The following EPHA5 variants were observed in gnomAD, a reference collection of about 807,000 sequenced individuals.
EPHA5 encodes ephrin type-A receptor 5.
A neutral mutation model predicts 105.0 loss-of-function variants in EPHA5; 60 were observed. The ratio of observed to expected loss-of-function variants is 0.57; its 90% CI spans 0.46 to 0.71. The LOEUF (loss-of-function observed/expected upper bound fraction) is 0.71, where lower values mean the gene tolerates loss of function less well. Ranked by LOEUF, EPHA5 falls within the 30% of genes least tolerant of loss-of-function variation. The probability of loss-of-function intolerance (pLI) is 0.00; values close to 1 mark genes in which losing one functional copy is unlikely to be tolerated. For synonymous variants in EPHA5, 513 were observed against 449.1 expected (o/e 1.14, Z -1.80); for missense variants, 1,218 against 1,274.7 (o/e 0.96, Z 0.68).
intron 3 of EPHA5, among the ~76,000 whole-genome samples, chr4:65,586,130 G>A (rs1742100429): frequency 6.6e-6 from 1 of 151,482 alleles, no homozygotes; most frequent in Non-Finnish European, 1.5e-5. Flanking sequence ...TATAAGTAAT[G>A]AGAAAGTATC....
intron 3 of EPHA5, among the ~76,000 whole-genome samples, chr4:65,498,172 G>A (rs539729088): frequency 2.0e-5 from 3 of 151,976 alleles, no homozygotes; most frequent in Non-Finnish European, 4.4e-5. Context: ...AACAAATAGC[G>A]AAATGGAAGA....
At chr4:65,622,797 G>A (rs538360660) in intron 2 of EPHA5, among the ~76,000 whole-genome samples, 3 of 151,890 alleles carry the variant, frequency 2.0e-5, no homozygotes, top group African/African-American at 7.3e-5. Flanking sequence ...GAAAAAAAAA[G>A]AAATAAATCC....
intron 5 of EPHA5, among the ~76,000 whole-genome samples, chr4:65,469,102 A>G (rs970836598): frequency 6.6e-6 from 1 of 152,060 alleles, no homozygotes; most frequent in African/African-American, 2.4e-5. Flanking sequence ...TGTGGTATGC[A>G]TATGTGAAGT....
chr4:65,588,756 C>T (rs923095083), intron 3 of EPHA5, among the ~76,000 whole-genome samples: 1 of 152,114 alleles, frequency 6.6e-6, no homozygotes, highest in African/African-American at 2.4e-5. Context: ...ATACCAACAA[C>T]TCTTAGAAAG....
chr4:65,567,573 C>T (rs1739682307), intron 3 of EPHA5, among the ~76,000 whole-genome samples: 1 of 151,380 alleles, frequency 6.6e-6, no homozygotes. Flanking sequence ...ATAAAACATA[C>T]TGTTATTGAA....
intron 3 of EPHA5, among the ~76,000 whole-genome samples, chr4:65,552,672 C>T (rs998900287): frequency 6.6e-6 from 1 of 152,052 alleles, no homozygotes; most frequent in African/African-American, 2.4e-5. Context: ...TATAGAGTCT[C>T]TTAGTGTCAG....
At chr4:65,445,921 T>C (rs1034116893) in intron 5 of EPHA5, among the ~76,000 whole-genome samples, 5 of 152,240 alleles carry the variant, frequency 3.3e-5, no homozygotes, top group Admixed American at 2.6e-4. Context: ...CATTCTGAAA[T>C]TGAACATTCA....
At chr4:65,440,387 T>G (rs1725892022) in intron 5 of EPHA5, among the ~76,000 whole-genome samples, 1 of 151,928 alleles carries the variant, frequency 6.6e-6, no homozygotes, top group Non-Finnish European at 1.5e-5. Flanking sequence ...GGATACATAT[T>G]AAAGTTAGTA....
intron 12 of EPHA5, among the ~76,000 whole-genome samples, 200 bp downstream of exon 12, chr4:65,352,841 TG>T (rs376815767): frequency 1.7e-4 from 26 of 151,856 alleles, no homozygotes; most frequent in African/African-American, 6.0e-4. Context: ...GCATATAATT[TG>T]GATTTGTGTG....
At chr4:65,572,347 A>G (rs1297633597) in intron 3 of EPHA5, among the ~76,000 whole-genome samples, 3 of 151,204 alleles carry the variant, frequency 2.0e-5, no homozygotes, top group East Asian at 1.9e-4. Flanking sequence ...CAGTGATTTT[A>G]TCCCCTTGAT....
intron 14 of EPHA5, among the ~76,000 whole-genome samples, chr4:65,344,399 G>C (rs1462472165): frequency 6.6e-6 from 1 of 152,182 alleles, no homozygotes; most frequent in Non-Finnish European, 1.5e-5. Flanking sequence ...CCTAGCACCA[G>C]TGTTTGCACT....
chr4:65,409,241 G>C (rs942026427), intron 7 of EPHA5, among the ~76,000 whole-genome samples: 2 of 129,346 alleles, frequency 1.5e-5, no homozygotes, highest in African/African-American at 2.9e-5. Context: ...CCTAATGCTA[G>C]ATGACGAGTT....
intron 8 of EPHA5, among the ~76,000 whole-genome samples, chr4:65,372,077 A>G (rs142034598): frequency 1.1e-3 from 160 of 152,122 alleles, no homozygotes; most frequent in African/African-American, 3.6e-3. Context: ...GTTTAAAGCC[A>G]CATTTCTTCA....
intron 3 of EPHA5, chr4:65,573,410 C>CAA (rs71657188): frequency 0.018 from 11,283 of 644,232 alleles, 130 homozygotes; most frequent in African/African-American, 0.051. Flanking sequence ...GACTCCGTCT[C>CAA]AAAAAAAAAA....
intron 11 of EPHA5, among the ~76,000 whole-genome samples, chr4:65,361,759 A>G (rs565546927): frequency 5.9e-5 from 9 of 151,826 alleles, no homozygotes; most frequent in African/African-American, 2.2e-4. Flanking sequence ...ATGCTTCTGT[A>G]GTGTTTTGTT....
intron 8 of EPHA5, among the ~76,000 whole-genome samples, chr4:65,384,203 C>T (rs1407789023): frequency 2.6e-5 from 4 of 151,816 alleles, no homozygotes; most frequent in Non-Finnish European, 5.9e-5. Context: ...TCATACTCTC[C>T]CGACCATCTC....
intron 3 of EPHA5, among the ~76,000 whole-genome samples, chr4:65,514,032 T>C (rs1409663020): frequency 6.6e-6 from 1 of 152,166 alleles, no homozygotes. Flanking sequence ...TTTTTTCATA[T>C]TCTCTTTACC....
chr4:65,437,340 G>C (rs970999354), intron 5 of EPHA5, among the ~76,000 whole-genome samples: 2 of 151,910 alleles, frequency 1.3e-5, no homozygotes, highest in Non-Finnish European at 2.9e-5. Flanking sequence ...TATTGTTCTT[G>C]CAAGTGCTGG....
intron 5 of EPHA5, among the ~76,000 whole-genome samples, chr4:65,463,979 C>A (rs1286867503): frequency 6.6e-6 from 1 of 151,794 alleles, no homozygotes; most frequent in African/African-American, 2.4e-5. Flanking sequence ...TAAGACTAAG[C>A]ATTTCTTCTA....
Sources: gnomAD v4.1 joint callset for allele counts (sites outside exome capture counted in the v4.1 genomes callset) on GRCh38, gnomAD v4.1.1 for gene constraint, MANE v1.5 for transcripts, NCBI Gene and HGNC (gene_info 2026-07-23, HGNC 2026-07-21) for gene names.